Variants in SETBP1 observed in about 807,000 individuals in gnomAD.
The protein encoded by SETBP1 is SET binding protein 1.
SETBP1 carries 9 observed loss-of-function variants against 101.0 expected under a neutral mutation model. The ratio of observed to expected loss-of-function variants is 0.09; its 90% confidence interval spans 0.05 to 0.16. The LOEUF (loss-of-function observed/expected upper bound fraction) is 0.16. Among genes scored for constraint, SETBP1 ranks in the 10% least tolerant of loss-of-function variants. The pLI is 1.00. For missense variants in SETBP1, 1,858 were observed against 2,033.8 expected (o/e 0.91, Z 1.66); for synonymous variants, 818 against 788.5 (o/e 1.04, Z -0.63).
chr18:44,945,306 G>A (rs534504554), intron 3 of SETBP1, among the ~76,000 whole-genome samples: 20 of 152,266 alleles, frequency 1.3e-4, no homozygotes, highest in African/African-American at 4.1e-4. Flanking sequence ...CCATCAAAAA[G>A]TGGGCACACA....
At position 44,974,897 on chromosome 18, in the gene SETBP1, A is replaced by G. The variant is rs188096759; in HGVS notation, c.4000+21557A>G. On this transcript the variant is annotated intron_variant, in intron 4 of 5. Transcript: ENST00000649279. ...AGACACCTAAGTAAAAATAGGATAC[A>G]TTTTTACTAAATTGGCCTGTGAGTG... Among the ~76,000 whole-genome samples the G allele has an allele frequency of 3.2e-3, 487 of 152,312 alleles. 9 individuals carry two copies. The highest frequency in any genetic ancestry group is 0.028 in the Admixed American group (425 of 15,304).
At position 44,844,037 on chromosome 18, in the gene SETBP1, T is replaced by A. The variant is rs1056840668; in HGVS notation, c.487-25193T>A. The stretch of plus-strand genomic sequence containing the variant: ...TTTTTACCAAAGGCTCAATTTTCAC[T>A]CCTGTCATTTTTTTTACATGTGTGT... On this transcript the variant is annotated intron_variant, in intron 2 of 5. Coordinates refer to ENST00000649279, the MANE Select transcript of SETBP1 (RefSeq NM_015559.3). 7.9e-5 allele frequency among the ~76,000 whole-genome samples: 12 copies of A among 152,304 alleles called. No individual in the cohort carries two copies. The East Asian group carries it at 2.3e-3, about 29-fold the overall frequency.
At chr18:44,789,170 T>C (rs2071315112) in intron 2 of SETBP1, among the ~76,000 whole-genome samples, 1 of 152,098 alleles carries the variant, frequency 6.6e-6, no homozygotes, top group South Asian at 2.1e-4. Context: ...TTTTGACTCG[T>C]TTTAGTGACA....
intron 2 of SETBP1, among the ~76,000 whole-genome samples, chr18:44,787,354 A>G (rs1039670695): frequency 6.6e-6 from 1 of 152,232 alleles, no homozygotes; most frequent in Non-Finnish European, 1.5e-5. Flanking sequence ...TCTCAGAAAA[A>G]AATGCTGCTA....
chr18:44,916,997 C>A (rs1441324782), intron 3 of SETBP1, among the ~76,000 whole-genome samples: 1 of 152,234 alleles, frequency 6.6e-6, no homozygotes, highest in Non-Finnish European at 1.5e-5. Context: ...GGCTGCTGTC[C>A]AGCCTGCCAA....
intron 2 of SETBP1, among the ~76,000 whole-genome samples, chr18:44,796,874 A>G (rs997026044): frequency 1.2e-4 from 19 of 152,264 alleles, no homozygotes; most frequent in East Asian, 3.9e-4. Context: ...CAACTGTGGG[A>G]TGCTCTACTG....
intron 2 of SETBP1, among the ~76,000 whole-genome samples, chr18:44,839,528 C>T (rs2072573645): frequency 6.6e-6 from 1 of 152,248 alleles, no homozygotes; most frequent in Admixed American, 6.5e-5. Context: ...GTGCCCTCTG[C>T]TATGAATCTT....
intron 2 of SETBP1, among the ~76,000 whole-genome samples, chr18:44,768,087 T>C (rs1403587541): frequency 6.6e-6 from 1 of 152,236 alleles, no homozygotes; most frequent in Non-Finnish European, 1.5e-5. Flanking sequence ...TTGGTGTCTC[T>C]GTATAGGAGC....
Position 45,046,576 on chromosome 18 carries a change from A to G in SETBP1, c.4171+7921A>G, listed in dbSNP as rs571572742. On this transcript the variant is annotated intron_variant, in intron 5 of 5. Transcript: ENST00000649279. ...TTCAGAGAAGAAGGAATATGCACGC[A>G]TATGTGTCTTCCTTCACTCAGAAGT... Among the ~76,000 whole-genome samples, 8 of 152,384 alleles carry G rather than the reference A, an allele frequency of 5.2e-5. No individual in the cohort carries two copies. In the South Asian group the frequency reaches 1.7e-3, roughly 32 times the overall value.
intron 3 of SETBP1, among the ~76,000 whole-genome samples, chr18:44,878,956 G>T (rs1196863039): frequency 1.3e-5 from 2 of 152,034 alleles, no homozygotes; most frequent in East Asian, 1.9e-4. Flanking sequence ...TGCATTTTTT[G>T]GATATTTCCC....
At position 44,953,116 on chromosome 18, in the gene SETBP1, G is replaced by T. The variant is rs1204544215; in HGVS notation, c.3776G>T (p.Cys1259Phe). The T allele has an allele frequency of 1.2e-6, 2 of 1,614,090 alleles. No individual in the cohort carries two copies. The highest frequency in any genetic ancestry group is 1.7e-6 in the Non-Finnish European group (2 of 1,180,048). Reference sequence around the variant, plus strand: ...TTGAGCAGTGAGCCTGTGGACTCATGCACGAAAAGATACTCTGGCAGTGGC... The same window carrying T: ...TTGAGCAGTGAGCCTGTGGACTCATTCACGAAAAGATACTCTGGCAGTGGC... The part of the protein sequence containing the change: ...GDLSSEPVDS[C>F]TKRYSGSGGD... The change falls in exon 4 of 6, where the codon TGC (cysteine) becomes TTC (phenylalanine). Residue 1259 changes from cysteine to phenylalanine, a missense_variant. By Grantham distance (205) the Cys-to-Phe change is radical (BLOSUM62 -2). Around this residue, in one of 12 missense-constraint regions of SETBP1, gnomAD observed 417 missense variants for 389.1 expected, o/e 1.07. Coordinates refer to ENST00000649279, the MANE Select transcript of SETBP1 (RefSeq NM_015559.3).
At chr18:44,824,506 C>A (rs946870417) in intron 2 of SETBP1, among the ~76,000 whole-genome samples, 1 of 152,052 alleles carries the variant, frequency 6.6e-6, no homozygotes, top group African/African-American at 2.4e-5. Context: ...CCTCACTAAC[C>A]CAGTTCTTGC....
In SETBP1 at chr18:44,952,108, T is replaced by G. The variant is rs774521311; in HGVS notation, c.2768T>G (p.Ile923Ser). ...NRHGHRQKHLIVDNFLAHESL... is the reference protein window; with the variant it reads ...NRHGHRQKHLSVDNFLAHESL... Reference sequence around the variant, plus strand: ...CATGGCCACCGGCAAAAGCATCTCATTGTGGACAACTTTCTGGCCCACGAA... The same window carrying G: ...CATGGCCACCGGCAAAAGCATCTCAGTGTGGACAACTTTCTGGCCCACGAA... The change falls in exon 4 of 6, where the codon ATT becomes AGT. Residue 923 changes from isoleucine to serine, a missense_variant. Physicochemically the swap from Ile to Ser is moderately radical, Grantham distance 142. Transcript: ENST00000649279. 1 of 1,614,056 alleles carries G rather than the reference T, an allele frequency of 6.2e-7. No individual in the cohort carries two copies. Among genetic ancestry groups the G allele is most frequent in the East Asian group, 2.2e-5 (1 of 44,874 alleles).
At chr18:44,834,391 A>G (rs931637176) in intron 2 of SETBP1, among the ~76,000 whole-genome samples, 2 of 152,190 alleles carry the variant, frequency 1.3e-5, no homozygotes, top group East Asian at 3.9e-4. Context: ...ATTGCTAAGT[A>G]CGTATGAACT....
chr18:44,906,009 A>G (rs1252036502), intron 3 of SETBP1, among the ~76,000 whole-genome samples: 2 of 152,164 alleles, frequency 1.3e-5, no homozygotes, highest in African/African-American at 4.8e-5. Context: ...AGAATCACCT[A>G]TTGGGCACCC....
chr18:44,740,874 A>G (rs928246271), intron 2 of SETBP1, among the ~76,000 whole-genome samples: 2 of 152,214 alleles, frequency 1.3e-5, no homozygotes, highest in African/African-American at 4.8e-5. Context: ...AATTTTATGG[A>G]TGGCTCTTTA....
chr18:44,798,095 A>G (rs1254793156), intron 2 of SETBP1, among the ~76,000 whole-genome samples: 2 of 152,218 alleles, frequency 1.3e-5, no homozygotes, highest in Non-Finnish European at 2.9e-5. Flanking sequence ...ACACAGAGAC[A>G]CAAAGTGTTA....
intron 2 of SETBP1, among the ~76,000 whole-genome samples, chr18:44,704,697 A>G (rs2069182139): frequency 6.6e-6 from 1 of 152,244 alleles, no homozygotes; most frequent in Admixed American, 6.5e-5. Context: ...TGAGATGTAG[A>G]AACCTTGCCT....
intron 4 of SETBP1, among the ~76,000 whole-genome samples, chr18:45,018,337 T>G (rs993714966): frequency 2.6e-5 from 4 of 152,246 alleles, no homozygotes; most frequent in African/African-American, 9.6e-5. Flanking sequence ...CTTGTTTTCA[T>G]TTCAAATGGT....
Sources: allele counts gnomAD v4.1 joint callset (sites outside exome capture counted in the v4.1 genomes callset), GRCh38; gene constraint gnomAD v4.1.1; regional missense constraint gnomAD v4.1.1; transcripts MANE v1.5; gene names NCBI Gene and HGNC (gene_info 2026-07-23, HGNC 2026-07-21).